The following WRN variants were observed in gnomAD, a reference collection of about 807,000 sequenced individuals.
The protein encoded by WRN is bifunctional 3'-5' exonuclease/ATP-dependent helicase WRN.
WRN carries 149 observed loss-of-function variants against 180.7 expected under a neutral mutation model. The observed-to-expected ratio is 0.82, with a 90% confidence interval of 0.72 to 0.94. The LOEUF is 0.94. Among genes scored for constraint, WRN ranks in the 40% least tolerant of loss-of-function variants. The pLI is 0.00. For synonymous variants in WRN, 548 were observed against 568.9 expected (o/e 0.96, Z 0.52); for missense variants, 1,661 against 1,700.1 (o/e 0.98, Z 0.40).
At chr8:31,058,249 C>CAT in intron 1 of WRN, 123 bp from the exon 2 acceptor site, 1 of 550,736 alleles carries the variant, frequency 1.8e-6, no homozygotes, top group Non-Finnish European at 3.2e-6. Flanking sequence ...TTAGATGCAG[C>CAT]ATATTGTATC....
intron 31 of WRN, among the ~76,000 whole-genome samples, chr8:31,152,064 C>T (rs2130460377): frequency 6.6e-6 from 1 of 151,716 alleles, no homozygotes; most frequent in East Asian, 1.9e-4. Flanking sequence ...ATTTCTGGAA[C>T]AAAGTAATGA....
Position 31,120,296 on chromosome 8 carries a change from C to T in WRN, c.2502C>T (p.Arg834=), listed in dbSNP as rs1585483174. 23 of 1,612,916 alleles carry T rather than the reference C, an allele frequency of 1.4e-5. No homozygotes were observed. Among genetic ancestry groups the T allele is most frequent in the Non-Finnish European group, 2.0e-5 (23 of 1,179,128 alleles). ...TGGGCATTAATAAAGCTGACATTCGCCAAGTCATTCATTACGGTGCTCCTA... is the reference window on the plus strand; with the variant it reads ...TGGGCATTAATAAAGCTGACATTCGTCAAGTCATTCATTACGGTGCTCCTA... ...FGMGINKADI[R]QVIHYGAPKD... The change falls in exon 21 of 35, where the codon CGC becomes CGT. Residue 834 remains arginine (R), a synonymous_variant. Coordinates refer to ENST00000298139, the MANE Select transcript of WRN (RefSeq NM_000553.6).
intron 1 of WRN, among the ~76,000 whole-genome samples, chr8:31,043,113 C>A (rs147717354): frequency 1.3e-5 from 2 of 152,302 alleles, no homozygotes; most frequent in Non-Finnish European, 2.9e-5. Context: ...ACTCAGGGAT[C>A]CGACTATTTT....
intron 18 of WRN, among the ~76,000 whole-genome samples, chr8:31,101,384 G>A (rs1814225206): frequency 6.6e-6 from 1 of 151,988 alleles, no homozygotes; most frequent in South Asian, 2.1e-4. Flanking sequence ...GTGAAATCCT[G>A]GTTACCCCTT....
intron 24 of WRN, among the ~76,000 whole-genome samples, chr8:31,135,499 TAAG>T (rs1282878084): frequency 1.3e-5 from 2 of 152,212 alleles, no homozygotes; most frequent in East Asian, 1.9e-4. Flanking sequence ...AGATGTTACT[TAAG>T]AAGAAATGAG....
chr8:31,167,945 A>C (rs1245568441), intron 34 of WRN, among the ~76,000 whole-genome samples: 1 of 152,094 alleles, frequency 6.6e-6, no homozygotes, highest in Non-Finnish European at 1.5e-5. Context: ...TTAACTAAAA[A>C]ATTGTTTCAA....
chr8:31,067,122 C>G lies in WRN; in HGVS notation c.594C>G (p.Ser198Arg). 3 of 1,613,908 alleles carry G rather than the reference C, an allele frequency of 1.9e-6. No homozygotes were observed. Among genetic ancestry groups the G allele is most frequent in the African/African-American group, 2.7e-5 (2 of 75,012 alleles). The stretch of plus-strand genomic sequence containing the variant: ...TGAAAGACAAGTCTATCCGCTGTAG[C>G]AATTGGAGTAAATTTCCTCTCACTG... ...QLLKDKSIRC[S>R]NWSKFPLTED... Residue 198 changes from serine to arginine, a missense_variant, in exon 6 of 35, where the codon AGC becomes AGG. Ser to Arg is a moderately radical substitution (Grantham distance 110). Transcript: ENST00000298139.
At chr8:31,123,281 G>A (rs1801797024) in intron 21 of WRN, among the ~76,000 whole-genome samples, 1 of 152,026 alleles carries the variant, frequency 6.6e-6, no homozygotes, top group Admixed American at 6.6e-5. Flanking sequence ...AAGCACAAGA[G>A]TACTGTGCCT....
chr8:31,105,731 A>G (rs1230898735), intron 18 of WRN, among the ~76,000 whole-genome samples: 2 of 152,142 alleles, frequency 1.3e-5, no homozygotes, highest in Admixed American at 6.5e-5. Flanking sequence ...AAGTGCTGAG[A>G]TTACAGATGT....
chr8:31,064,268 A>C, intron 3 of WRN, 21 bp from the exon 4 acceptor site: 1 of 1,613,584 alleles, frequency 6.2e-7, no homozygotes, highest in East Asian at 2.2e-5. Context: ...AAATTAATTT[A>C]CACTATTTTT....
intron 5 of WRN, among the ~76,000 whole-genome samples, chr8:31,066,517 T>G (rs1044891403): frequency 6.6e-6 from 1 of 152,168 alleles, no homozygotes; most frequent in Non-Finnish European, 1.5e-5. Flanking sequence ...CTTGGTACTC[T>G]TTCACTTTCA....
At position 31,090,834 on chromosome 8, in the gene WRN, G is replaced by T. The variant is rs1563344853; in HGVS notation, c.1721G>T (p.Gly574Val). Residue 574 changes from glycine to valine, a missense_variant and splice_region_variant, in exon 15 of 35, where the codon GGA becomes GTA. Coordinates refer to ENST00000298139, the MANE Select transcript of WRN (RefSeq NM_000553.6). ...ATTTTTATATTTTTTTCATTTCAAG[G>T]ATATGGAAAGAGTTTGTGCTTCCAG... ...RRDNVAVMAT[G>V]YGKSLCFQYP... 2.5e-6 allele frequency: 4 copies of T among 1,603,332 alleles called. No homozygotes were observed. The highest frequency in any genetic ancestry group is 2.6e-6 in the Non-Finnish European group (3 of 1,173,736).
At chr8:31,106,609 T>C (rs562064579) in intron 18 of WRN, among the ~76,000 whole-genome samples, 1 of 152,274 alleles carries the variant, frequency 6.6e-6, no homozygotes, top group East Asian at 1.9e-4. Flanking sequence ...CTATAGGATG[T>C]TCTCCCATAC....
At chr8:31,098,462 T>G (rs921111330) in intron 17 of WRN, among the ~76,000 whole-genome samples, 3 of 152,214 alleles carry the variant, frequency 2.0e-5, no homozygotes, top group African/African-American at 7.2e-5. Context: ...GGATGAGTTA[T>G]GGACACTGCA....
At chr8:31,043,848 C>G (rs1190296212) in intron 1 of WRN, among the ~76,000 whole-genome samples, 1 of 152,110 alleles carries the variant, frequency 6.6e-6, no homozygotes, top group African/African-American at 2.4e-5. Context: ...ACCTCACCAG[C>G]TTTTGCTGTT....
At chr8:31,105,092 C>CCG (rs1322022976) in intron 18 of WRN, among the ~76,000 whole-genome samples, 1 of 10,684 alleles carries the variant, frequency 9.4e-5, no homozygotes, top group East Asian at 4.1e-3. Flanking sequence ...TTGGTTGGAG[C>CCG]AGATATTAAA....
intron 18 of WRN, among the ~76,000 whole-genome samples, chr8:31,111,025 G>A (rs1281558145): frequency 6.6e-6 from 1 of 151,930 alleles, no homozygotes; most frequent in Non-Finnish European, 1.5e-5. Flanking sequence ...TTAATAATAC[G>A]TTTCATTTAT....
chr8:31,160,204 G>C (rs1027232744), intron 33 of WRN, among the ~76,000 whole-genome samples: 2 of 152,128 alleles, frequency 1.3e-5, no homozygotes, highest in African/African-American at 4.8e-5. Context: ...ATAACTTCCC[G>C]TGCAGATCTG....
rs1258839999 is a variant in WRN, at chr8:31,077,178, G to A, written c.839+891G>A. Among the ~76,000 whole-genome samples, 3 of 152,156 alleles carry A rather than the reference G, an allele frequency of 2.0e-5. No individual in the cohort carries two copies. The East Asian group carries it at 5.8e-4, about 29-fold the overall frequency. On this transcript the variant is annotated intron_variant, in intron 8 of 34. Coordinates refer to ENST00000298139, the MANE Select transcript of WRN (RefSeq NM_000553.6). ...ATATAAATTTAGCTTTTTTGTCAAA[G>A]TAATTTGCCACCCTAGAATTTGTGT...
Sources: gnomAD v4.1 joint callset for allele counts (sites outside exome capture counted in the v4.1 genomes callset) on GRCh38, gnomAD v4.1.1 for gene constraint, MANE v1.5 for transcripts, NCBI Gene and HGNC (gene_info 2026-07-23, HGNC 2026-07-21) for gene names.